Variants in NDFIP1 observed in about 807,000 individuals in gnomAD.
NDFIP1 encodes the protein NEDD4 family-interacting protein 1.
NDFIP1 carries 7 observed loss-of-function variants against 28.8 expected under a neutral mutation model. That is an observed-to-expected ratio of 0.24 (90% CI 0.14 to 0.46). The LOEUF is 0.46. Among genes scored for constraint, NDFIP1 ranks in the 20% least tolerant of loss-of-function variants. NDFIP1 has a pLI of 0.99. For missense variants in NDFIP1, 194 were observed against 269.1 expected (o/e 0.72, Z 1.95); for synonymous variants, 92 against 101.0 (o/e 0.91, Z 0.53).
intron 5 of NDFIP1, among the ~76,000 whole-genome samples, chr5:142,140,177 G>A (rs1416762679): frequency 4.6e-5 from 7 of 152,016 alleles, no homozygotes; most frequent in Non-Finnish European, 7.4e-5. Context: ...TGCTGGTCAC[G>A]GTAGCTCACG....
chr5:142,140,152 A>G lies in NDFIP1; in HGVS notation c.496-411A>G, dbSNP rs139884848. Among the ~76,000 whole-genome samples, 511 of 152,306 alleles carry G rather than the reference A, an allele frequency of 3.4e-3. 1 individual carries two copies. Among genetic ancestry groups the G allele is most frequent in the Non-Finnish European group, 4.9e-3 (336 of 68,030 alleles). The stretch of plus-strand genomic sequence containing the variant: ...CTAAAGGCTAAGTGATGGCATTGGT[A>G]GAACAAATAAGTCTTGCTGGTCACG... On this transcript the variant is annotated intron_variant, in intron 5 of 7. Transcript: ENST00000253814.
chr5:142,138,579 G>A (rs995592914), intron 5 of NDFIP1, among the ~76,000 whole-genome samples: 4 of 152,126 alleles, frequency 2.6e-5, no homozygotes, highest in African/African-American at 9.7e-5. Context: ...CTTGACCACT[G>A]TAGTTTTTCT....
chr5:142,149,434 CTTTT>C (rs10684292), intron 7 of NDFIP1, among the ~76,000 whole-genome samples: 1 of 114,710 alleles, frequency 8.7e-6, no homozygotes. Flanking sequence ...TATTGGATTC[CTTTT>C]TTTTTTTTTT....
chr5:142,119,761 GTT>G (rs930544781), intron 1 of NDFIP1, among the ~76,000 whole-genome samples: 2 of 152,002 alleles, frequency 1.3e-5, no homozygotes, highest in African/African-American at 4.8e-5. Context: ...CTTAGAGAAG[GTT>G]GCAAGAATAG....
chr5:142,125,165 A>G (rs2126914724), intron 1 of NDFIP1, among the ~76,000 whole-genome samples: 1 of 152,188 alleles, frequency 6.6e-6, no homozygotes, highest in East Asian at 1.9e-4. Context: ...ATGTGTCAGT[A>G]TCTCATTTTT....
chr5:142,112,089 C>T (rs578120376), intron 1 of NDFIP1, among the ~76,000 whole-genome samples: 34 of 150,322 alleles, frequency 2.3e-4, no homozygotes, highest in African/African-American at 8.1e-4. Flanking sequence ...CAAAACAAAA[C>T]AAAAAATGGC....
intron 1 of NDFIP1, among the ~76,000 whole-genome samples, chr5:142,121,539 T>C (rs886496820): frequency 1.2e-4 from 18 of 152,242 alleles, no homozygotes; most frequent in Non-Finnish European, 2.2e-4. Flanking sequence ...TCACACGTAT[T>C]CTTTTAGACC....
Position 142,149,940 on chromosome 5 carries a change from G to A in NDFIP1, c.*3-1791G>A, listed in dbSNP as rs560059272. On this transcript the variant is annotated intron_variant, in intron 7 of 7. Coordinates refer to ENST00000253814, the MANE Select transcript of NDFIP1 (RefSeq NM_030571.4). ...CTCACGCCTGTAATCCCAGCACTTT[G>A]GGAAGCCAAGGCGGGCAGATCACGA... Among the ~76,000 whole-genome samples, 16 of 152,262 alleles carry A rather than the reference G, an allele frequency of 1.1e-4. No individual in the cohort carries two copies. In the South Asian group the frequency reaches 3.3e-3, roughly 32 times the overall value.
chr5:142,115,901 TA>T (rs1171201178), intron 1 of NDFIP1, among the ~76,000 whole-genome samples: 3 of 152,182 alleles, frequency 2.0e-5, no homozygotes, highest in East Asian at 1.9e-4. Context: ...ATAGTGCAAG[TA>T]AAATATACAC....
intron 1 of NDFIP1, among the ~76,000 whole-genome samples, chr5:142,112,532 T>TAA (rs113729498): frequency 0.099 from 10,207 of 103,378 alleles, 691 homozygotes; most frequent in East Asian, 0.36. Flanking sequence ...AAGACTGTCT[T>TAA]AAAAAAAAAA....
intron 1 of NDFIP1, among the ~76,000 whole-genome samples, chr5:142,114,998 A>G (rs1757050844): frequency 1.3e-5 from 2 of 152,180 alleles, no homozygotes. Context: ...GCTCTAGGGA[A>G]TTTTGCTCTA....
chr5:142,129,476 A>G (rs978406623), intron 1 of NDFIP1, among the ~76,000 whole-genome samples: 1 of 152,246 alleles, frequency 6.6e-6, no homozygotes, highest in Non-Finnish European at 1.5e-5. Context: ...TTAGATTACT[A>G]GGATTCGAAA....
rs534547126 is a variant in NDFIP1 at position 142,110,613 on chromosome 5, AAG to A, written c.63+1580_63+1581del. On this transcript the variant is annotated intron_variant, in intron 1 of 7. Coordinates refer to ENST00000253814, the MANE Select transcript of NDFIP1 (RefSeq NM_030571.4). Reference sequence around the variant, plus strand: ...TTATGCAGAATTGAAGTATAAAAAAAAGAGAAAAAAATCTTCCTAGAAAAATT... The same window carrying A: ...TTATGCAGAATTGAAGTATAAAAAAAAGAAAAAAATCTTCCTAGAAAAATT... Among the ~76,000 whole-genome samples the A allele has an allele frequency of 2.7e-3, 405 of 152,324 alleles. 2 individuals carry two copies. The highest frequency in any genetic ancestry group is 9.3e-3 in the African/African-American group (387 of 41,574).
intron 1 of NDFIP1, among the ~76,000 whole-genome samples, chr5:142,131,202 C>G (rs1757223818): frequency 6.6e-6 from 1 of 152,008 alleles, no homozygotes; most frequent in African/African-American, 2.4e-5. Context: ...CTCCTAATCT[C>G]AAGCGATCCC....
At position 142,153,546 on chromosome 5, in the gene NDFIP1, GTTCT is replaced by G. The variant is rs1253874254; in HGVS notation, c.*1821_*1824del. The stretch of plus-strand genomic sequence containing the variant: ...ATTATTATGAATAATAGTGTAGTGT[GTTCT>G]TTTTCAGAAGTTATATTTGATAATA... On this transcript the variant is annotated 3_prime_UTR_variant, in exon 8 of 8. Transcript: ENST00000253814. The G allele has an allele frequency of 3.4e-5, 10 of 290,198 alleles. No individual in the cohort carries two copies. Among genetic ancestry groups the G allele is most frequent in the Non-Finnish European group, 6.4e-5 (9 of 140,538 alleles). The allele number at this position is 290,198 out of a possible 1,614,324, so 18.0% of individuals were successfully genotyped here. A position where few individuals can be genotyped will look rare whatever the true frequency, so the allele number is the denominator to read the frequency against.
intron 1 of NDFIP1, among the ~76,000 whole-genome samples, chr5:142,111,786 A>G (rs1228038420): frequency 2.0e-5 from 3 of 152,198 alleles, no homozygotes; most frequent in African/African-American, 4.8e-5. Context: ...GGTAGGCTCA[A>G]CCAGGTGTGG....
At chr5:142,109,200 G>A (rs1756985544) in intron 1 of NDFIP1, among the ~76,000 whole-genome samples, 163 bp downstream of exon 1, 1 of 152,012 alleles carries the variant, frequency 6.6e-6, no homozygotes, top group African/African-American at 2.4e-5. Flanking sequence ...TCGGATTCGA[G>A]GCTGCCACGG....
At chr5:142,122,807 T>A (rs1487951180) in intron 1 of NDFIP1, among the ~76,000 whole-genome samples, 1 of 152,224 alleles carries the variant, frequency 6.6e-6, no homozygotes, top group Non-Finnish European at 1.5e-5. Context: ...TCCCTTTTTT[T>A]ATTGAATGGC....
chr5:142,116,867 C>G (rs769209975), intron 1 of NDFIP1, among the ~76,000 whole-genome samples: 4 of 151,410 alleles, frequency 2.6e-5, no homozygotes, highest in Admixed American at 2.0e-4. Context: ...CATGCCACCA[C>G]GCCTGGCTAA....
Sources: gnomAD v4.1 joint callset for allele counts (sites outside exome capture counted in the v4.1 genomes callset) on GRCh38, gnomAD v4.1.1 for gene constraint, MANE v1.5 for transcripts, NCBI Gene and HGNC (gene_info 2026-07-23, HGNC 2026-07-21) for gene names.